Variants in PRRC2C observed in about 807,000 individuals in gnomAD.
PRRC2C encodes the protein proline rich coiled-coil 2C, also known as protein PRRC2C.
In PRRC2C, 72 loss-of-function variants were observed where a neutral mutation model predicts 317.2. The ratio of observed to expected loss-of-function variants is 0.23; its 90% CI spans 0.19 to 0.28. The LOEUF (loss-of-function observed/expected upper bound fraction) is 0.28, where lower values mean the gene tolerates loss of function less well. Among genes scored for constraint, PRRC2C ranks in the 10% least tolerant of loss-of-function variants. The pLI is 1.00. For missense variants in PRRC2C, 3,074 were observed against 3,459.7 expected, an observed-to-expected ratio of 0.89 and a Z score of 2.80; for synonymous variants, 1,296 against 1,205.9, an observed-to-expected ratio of 1.07 and a Z score of -1.55.
intron 1 of PRRC2C, among the ~76,000 whole-genome samples, chr1:171,486,370 A>G (rs1215093155): frequency 6.6e-6 from 1 of 152,000 alleles, no homozygotes; most frequent in East Asian, 1.9e-4. Flanking sequence ...AGGCCGCTCC[A>G]TCCTCTAACT....
rs756102721 is a variant in PRRC2C, at chr1:171,545,462, AAGTT to A, written c.4764-15_4764-12del. On this transcript the variant is annotated splice_polypyrimidine_tract_variant and intron_variant, in intron 16 of 34. Coordinates refer to ENST00000647382, the MANE Select transcript of PRRC2C (RefSeq NM_001387844.1). The stretch of plus-strand genomic sequence containing the variant: ...GGGTAGGTGGAAATAGTAATATCTC[AAGTT>A]ATTTTTTTGTAGGCCATTTGATGAC... The A allele has an allele frequency of 3.2e-6, 5 of 1,546,988 alleles. No homozygotes were observed. In the Admixed American group the frequency reaches 9.9e-5, roughly 31 times the overall value.
intron 3 of PRRC2C, 109 bp downstream of exon 3, chr1:171,513,281 C>T (rs1571693412): frequency 8.7e-7 from 1 of 1,146,738 alleles, no homozygotes; most frequent in Non-Finnish European, 1.2e-6. Flanking sequence ...TTACATATTA[C>T]ATATTTTATA....
intron 1 of PRRC2C, among the ~76,000 whole-genome samples, chr1:171,502,464 C>G (rs189344448): frequency 6.6e-6 from 1 of 152,132 alleles, no homozygotes. Context: ...TCTTCTGGAC[C>G]TTTGCTATCC....
In PRRC2C at chr1:171,557,393, T is replaced by C; in HGVS notation, c.5281T>C (p.Ser1761Pro). ...TTCGGCTCCACTTCCACCTTCAACC[T>C]CAGCTTCAGTTCCAGCCTCAACCTC... ...LASAPLPPST[S>P]ASVPASTSAP... The change falls in exon 19 of 35, where the codon TCA (serine) becomes CCA (proline). Residue 1761 changes from serine to proline, a missense_variant. By Grantham distance (74) the Ser-to-Pro change is moderately conservative. This residue lies in a region of PRRC2C where 640 missense variants were observed against 676.1 expected (regional missense o/e 0.95). Coordinates refer to ENST00000647382, the MANE Select transcript of PRRC2C (RefSeq NM_001387844.1). 6.4e-7 allele frequency: 1 copy of C among 1,551,638 alleles called. No homozygotes were observed. Among genetic ancestry groups the C allele is most frequent in the Non-Finnish European group, 8.7e-7 (1 of 1,146,956 alleles).
intron 10 of PRRC2C, 22 bp from the exon 11 acceptor site, chr1:171,527,769 A>T (rs1025745924): frequency 1.3e-6 from 2 of 1,548,358 alleles, no homozygotes; most frequent in African/African-American, 2.7e-5. Context: ...TAATAAGAAT[A>T]ATTCTTTCTT....
At chr1:171,511,826 A>G (rs918893216) in intron 1 of PRRC2C, 10 of 253,988 alleles carry the variant, frequency 3.9e-5, no homozygotes, top group African/African-American at 1.6e-4. Context: ...AGAGTTAAGC[A>G]GTTATAACCA....
intron 20 of PRRC2C, among the ~76,000 whole-genome samples, chr1:171,561,712 ATTG>A (rs1330683893): frequency 6.6e-6 from 1 of 152,156 alleles, no homozygotes; most frequent in Non-Finnish European, 1.5e-5. Context: ...AAGTGCAATT[ATTG>A]TTTTCTGGAC....
chr1:171,500,008 G>C (rs1668797413), intron 1 of PRRC2C, among the ~76,000 whole-genome samples: 2 of 151,938 alleles, frequency 1.3e-5, no homozygotes, highest in South Asian at 4.3e-4. Context: ...CACTTGTAGA[G>C]TATACTTCTC....
At chr1:171,488,897 A>G (rs1482771805) in intron 1 of PRRC2C, among the ~76,000 whole-genome samples, 1 of 152,190 alleles carries the variant, frequency 6.6e-6, no homozygotes, top group Non-Finnish European at 1.5e-5. Flanking sequence ...TATGTGCTCA[A>G]CATTAAGGGA....
rs1650246795 is a variant in PRRC2C at position 171,587,227 on chromosome 1, T to A, written c.7968+6T>A. On this transcript the variant is annotated splice_donor_region_variant and intron_variant, in intron 31 of 34. Transcript: ENST00000647382. ...TGATTGCAACCACAGGAAAAGTAAGTAAAGAGACATTTGCACAGGTTATTT... is the reference window on the plus strand; with the variant it reads ...TGATTGCAACCACAGGAAAAGTAAGAAAAGAGACATTTGCACAGGTTATTT... 6.3e-7 allele frequency: 1 copy of A among 1,583,168 alleles called. No individual in the cohort carries two copies. The highest frequency in any genetic ancestry group is 8.6e-7 in the Non-Finnish European group (1 of 1,162,256).
intron 34 of PRRC2C, chr1:171,591,256 T>C: frequency 1.0e-6 from 1 of 996,756 alleles, no homozygotes; most frequent in Non-Finnish European, 1.2e-6. Context: ...GACCACATAT[T>C]GATAACTAGA....
chr1:171,535,615 T>C lies in PRRC2C; in HGVS notation c.2043+18T>C. On this transcript the variant is annotated intron_variant, in intron 13 of 34. Coordinates refer to ENST00000647382, the MANE Select transcript of PRRC2C (RefSeq NM_001387844.1). ...GGCAGCAGGTAATGATAAAAATATT[T>C]TATCATGTATGTGTGATTGAAGTGG... 1 of 1,610,912 alleles carries C rather than the reference T, an allele frequency of 6.2e-7. No homozygotes were observed. The highest frequency in any genetic ancestry group is 2.2e-5 in the East Asian group (1 of 44,874).
intron 1 of PRRC2C, among the ~76,000 whole-genome samples, chr1:171,497,358 T>C (rs1031279119): frequency 6.6e-6 from 1 of 152,260 alleles, no homozygotes; most frequent in African/African-American, 2.4e-5. Context: ...TTTCCAGCTC[T>C]GTGTGTTTTG....
At chr1:171,561,863 A>C (rs1232618049) in intron 20 of PRRC2C, among the ~76,000 whole-genome samples, 1 of 152,174 alleles carries the variant, frequency 6.6e-6, no homozygotes, top group African/African-American at 2.4e-5. Flanking sequence ...TTCTTCATTC[A>C]TTCATTGAAT....
At chr1:171,573,634 A>G (rs1218680963) in intron 24 of PRRC2C, among the ~76,000 whole-genome samples, 1 of 151,422 alleles carries the variant, frequency 6.6e-6, no homozygotes, top group Non-Finnish European at 1.5e-5. Flanking sequence ...TGTGTTTTTA[A>G]AGGAAGGCAG....
At chr1:171,588,668 AT>A (rs1277220209) in intron 33 of PRRC2C, among the ~76,000 whole-genome samples, 163 bp downstream of exon 33, 1 of 152,238 alleles carries the variant, frequency 6.6e-6, no homozygotes, top group African/African-American at 2.4e-5. Flanking sequence ...ATAGTCTGCG[AT>A]TTATAGCCAG....
chr1:171,548,568 G>A (rs1264240164), intron 17 of PRRC2C, among the ~76,000 whole-genome samples: 2 of 151,948 alleles, frequency 1.3e-5, no homozygotes, highest in African/African-American at 4.8e-5. Flanking sequence ...TCTTTAAATT[G>A]CTTCACTCTT....
intron 15 of PRRC2C, 125 bp from the exon 16 acceptor site, chr1:171,539,846 G>C: frequency 1.2e-6 from 1 of 860,088 alleles, no homozygotes; most frequent in Non-Finnish European, 1.8e-6. Flanking sequence ...TTTATATAGC[G>C]AGAGAAAGAT....
At chr1:171,513,218 T>C (rs1011913292) in intron 3 of PRRC2C, 46 bp downstream of exon 3, 3 of 1,544,642 alleles carry the variant, frequency 1.9e-6, no homozygotes, top group Non-Finnish European at 2.6e-6. Flanking sequence ...CCTTTCTTTG[T>C]AGGGAACTTA....
Sources: gnomAD v4.1 joint callset for allele counts (sites outside exome capture counted in the v4.1 genomes callset) on GRCh38, gnomAD v4.1.1 for gene constraint, gnomAD v4.1.1 regional missense constraint, MANE v1.5 for transcripts, NCBI Gene and HGNC (gene_info 2026-07-23, HGNC 2026-07-21) for gene names.